Variants in SCML4 observed in about 807,000 individuals in gnomAD.
SCML4 encodes the protein Scm polycomb group protein like 4, also known as sex comb on midleg-like protein 4.
Under a neutral mutation model 41.1 loss-of-function variants are expected in SCML4, and 34 were observed. That is an observed-to-expected ratio of 0.83 (90% CI 0.63 to 1.10). The LOEUF is 1.10. Ranked by LOEUF, SCML4 falls within the 50% of genes least tolerant of loss-of-function variation. SCML4 has a pLI of 0.00. For missense variants in SCML4, 522 were observed against 534.1 expected, an observed-to-expected ratio of 0.98 and a Z score of 0.22; for synonymous variants, 214 against 220.9, an observed-to-expected ratio of 0.97 and a Z score of 0.28.
At chr6:107,814,026 G>GCAT (rs1377344321) in intron 1 of SCML4, among the ~76,000 whole-genome samples, 2 of 152,206 alleles carry the variant, frequency 1.3e-5, no homozygotes, top group African/African-American at 4.8e-5. Context: ...CCAAGAGCTA[G>GCAT]CATCCAAAGA....
intron 2 of SCML4, among the ~76,000 whole-genome samples, chr6:107,759,083 T>C (rs1315211078): frequency 7.7e-6 from 1 of 129,072 alleles, no homozygotes; most frequent in Non-Finnish European, 1.5e-5. Flanking sequence ...GCTCATGAGT[T>C]CAAGACCTGT....
intron 5 of SCML4, among the ~76,000 whole-genome samples, chr6:107,740,405 T>C (rs944371962): frequency 6.6e-6 from 1 of 152,184 alleles, no homozygotes; most frequent in South Asian, 2.1e-4. Flanking sequence ...ATGGCTTCAG[T>C]GTGAACACAT....
At chr6:107,727,369 GA>G in intron 5 of SCML4, among the ~76,000 whole-genome samples, 1 of 152,204 alleles carries the variant, frequency 6.6e-6, no homozygotes, top group Non-Finnish European at 1.5e-5. Flanking sequence ...AAAAGTCACT[GA>G]ATGGTACCTT....
intron 6 of SCML4, among the ~76,000 whole-genome samples, chr6:107,711,432 C>T (rs150977499): frequency 6.6e-6 from 1 of 152,322 alleles, no homozygotes; most frequent in Non-Finnish European, 1.5e-5. Flanking sequence ...AGTACAGTAA[C>T]ATGCTGTACA....
At chr6:107,811,623 C>T (rs1260789847) in intron 1 of SCML4, among the ~76,000 whole-genome samples, 1 of 152,230 alleles carries the variant, frequency 6.6e-6, no homozygotes, top group Admixed American at 6.5e-5. Context: ...CTTCTTCAAT[C>T]CCCCTGAAGT....
chr6:107,713,091 G>A (rs887478475), intron 6 of SCML4, among the ~76,000 whole-genome samples: 1 of 152,228 alleles, frequency 6.6e-6, no homozygotes, highest in African/African-American at 2.4e-5. Context: ...GAGCTAGGAT[G>A]ACTATGAGTC....
At chr6:107,716,927 T>G (rs973627867) in intron 6 of SCML4, among the ~76,000 whole-genome samples, 6 of 152,070 alleles carry the variant, frequency 3.9e-5, no homozygotes, top group East Asian at 1.9e-4. Flanking sequence ...TCTGTCTCAC[T>G]GCTGAGAATG....
At chr6:107,734,493 C>T (rs1776862715) in intron 5 of SCML4, among the ~76,000 whole-genome samples, 1 of 152,166 alleles carries the variant, frequency 6.6e-6, no homozygotes, top group Non-Finnish European at 1.5e-5. Flanking sequence ...CTGAGCCTTA[C>T]AATGCAAAGG....
chr6:107,765,122 A>G (rs1300149559), intron 2 of SCML4, among the ~76,000 whole-genome samples: 1 of 152,260 alleles, frequency 6.6e-6, no homozygotes, highest in Non-Finnish European at 1.5e-5. Flanking sequence ...GAAGCTGTCC[A>G]CTATGGCCTG....
chr6:107,789,779 C>A (rs1261136812), intron 1 of SCML4, among the ~76,000 whole-genome samples: 4 of 152,236 alleles, frequency 2.6e-5, no homozygotes, highest in African/African-American at 9.6e-5. Context: ...TCCCCTCACA[C>A]TCATGTCCCC....
intron 4 of SCML4, chr6:107,745,396 A>G (rs1024201098): frequency 4.5e-6 from 2 of 448,128 alleles, no homozygotes; most frequent in South Asian, 3.3e-5. Context: ...CTTGTTTTTC[A>G]TCACTCTAAT....
At position 107,749,418 on chromosome 6, in the gene SCML4, G is replaced by C. The variant is rs77932664; in HGVS notation, c.286+266C>G. ...GAAACATCTGGCCACCCTGTGCCCC[G>C]CTGTCATCCACCTCCCTCCAACCAA... On this transcript the variant is annotated intron_variant, in intron 3 of 7. Coordinates refer to ENST00000369020, the MANE Select transcript of SCML4 (RefSeq NM_198081.5). Among the ~76,000 whole-genome samples the C allele has an allele frequency of 5.1e-3, 773 of 152,108 alleles. 12 individuals carry two copies. The East Asian group carries it at 0.064, about 12-fold the overall frequency.
the SCML4 span, among the ~76,000 whole-genome samples, chr6:107,845,894 C>A: frequency 6.6e-6 from 1 of 152,186 alleles, no homozygotes. Flanking sequence ...AACTCAGGTG[C>A]CACACGTGTT....
chr6:107,712,744 A>G (rs1774352299), intron 6 of SCML4, among the ~76,000 whole-genome samples: 1 of 152,190 alleles, frequency 6.6e-6, no homozygotes, highest in South Asian at 2.1e-4. Context: ...AGAGCCTCAC[A>G]GTGGTCTGTG....
intron 5 of SCML4, among the ~76,000 whole-genome samples, chr6:107,741,278 C>A (rs1777575948): frequency 6.6e-6 from 1 of 152,148 alleles, no homozygotes; most frequent in African/African-American, 2.4e-5. Flanking sequence ...GTAAGAGAAT[C>A]TGACTTCCAC....
chr6:107,735,447 G>T (rs1406150757), intron 5 of SCML4, among the ~76,000 whole-genome samples: 1 of 151,704 alleles, frequency 6.6e-6, no homozygotes, highest in Non-Finnish European at 1.5e-5. Context: ...GAGGGCGGGG[G>T]GATTCCAGTT....
chr6:107,792,511 C>T (rs975297968), intron 1 of SCML4, among the ~76,000 whole-genome samples: 8 of 152,130 alleles, frequency 5.3e-5, no homozygotes, highest in East Asian at 1.9e-4. Flanking sequence ...GCAGGCGGAT[C>T]ACCAGGTCAG....
intron 7 of SCML4, among the ~76,000 whole-genome samples, chr6:107,707,203 G>A (rs1158121092): frequency 6.6e-6 from 1 of 151,726 alleles, no homozygotes; most frequent in Non-Finnish European, 1.5e-5. Flanking sequence ...CGGGTGGGCT[G>A]AGGCACAAGA....
intron 2 of SCML4, among the ~76,000 whole-genome samples, chr6:107,760,858 G>A (rs1779524511): frequency 6.7e-6 from 1 of 149,264 alleles, no homozygotes; most frequent in South Asian, 2.2e-4. Flanking sequence ...GGACAAGCTT[G>A]AAAATATATC....
Sources: gnomAD v4.1 joint callset for allele counts (sites outside exome capture counted in the v4.1 genomes callset) on GRCh38, gnomAD v4.1.1 for gene constraint, MANE v1.5 for transcripts, NCBI Gene and HGNC (gene_info 2026-07-23, HGNC 2026-07-21) for gene names.